The following SFSWAP variants were observed in gnomAD, a reference collection of about 807,000 sequenced individuals.
SFSWAP encodes splicing factor SWAP, also known as splicing factor, suppressor of white-apricot homolog.
In SFSWAP, 17 loss-of-function variants were observed where a neutral mutation model predicts 100.7. The ratio of observed to expected loss-of-function variants is 0.17; its 90% CI spans 0.12 to 0.25. The LOEUF (loss-of-function observed/expected upper bound fraction) is 0.25. SFSWAP is among the 10% of genes least tolerant of loss of function. The probability of loss-of-function intolerance (pLI) is 1.00; values close to 1 mark genes in which losing one functional copy is unlikely to be tolerated. For missense variants in SFSWAP, 1,005 were observed against 1,262.6 expected (o/e 0.80, Z 3.09); for synonymous variants, 504 against 510.1 (o/e 0.99, Z 0.16).
intron 5 of SFSWAP, among the ~76,000 whole-genome samples, chr12:131,726,303 G>A (rs1272570210): frequency 5.9e-5 from 9 of 152,040 alleles, no homozygotes; most frequent in Non-Finnish European, 1.2e-4. Flanking sequence ...TCCGCCTCCC[G>A]GGTTCAAGCA....
rs144832738 is a variant in SFSWAP at position 131,733,181 on chromosome 12, C to T, written c.1081+4753C>T. ...ACTTGAAACGTCAGCTGTATGAGAGCGGGCGGGGGATGGCGCGGTCTCCCT... is the reference window on the plus strand; with the variant it reads ...ACTTGAAACGTCAGCTGTATGAGAGTGGGCGGGGGATGGCGCGGTCTCCCT... On this transcript the variant is annotated intron_variant, in intron 7 of 17. Transcript: ENST00000261674. The surrounding 1 kb of genome is among the most constrained non-coding windows in gnomAD (Gnocchi z 5.1). 2.8e-3 allele frequency among the ~76,000 whole-genome samples: 424 copies of T among 152,274 alleles called. No homozygotes were observed. Among genetic ancestry groups the T allele is most frequent in the Non-Finnish European group, 4.3e-3 (292 of 68,024 alleles).
intron 16 of SFSWAP, 21 bp downstream of exon 16, chr12:131,797,381 G>A (rs1327865656): frequency 4.4e-6 from 7 of 1,589,922 alleles, no homozygotes; most frequent in East Asian, 4.5e-5. Flanking sequence ...TCCTCCAGCA[G>A]CTCTCTCTGG....
chr12:131,782,230 G>A (rs569424378), intron 14 of SFSWAP, among the ~76,000 whole-genome samples: 72 of 152,354 alleles, frequency 4.7e-4, no homozygotes, highest in Non-Finnish European at 8.4e-4. Context: ...GGAACAGTGA[G>A]TGCGTGTTTT....
chr12:131,797,626 A>G (rs1885779081), intron 16 of SFSWAP, among the ~76,000 whole-genome samples: 1 of 152,236 alleles, frequency 6.6e-6, no homozygotes. Flanking sequence ...GAAGCAGCCC[A>G]AGTGTCACAC....
chr12:131,779,282 C>T (rs1274595743), intron 14 of SFSWAP, among the ~76,000 whole-genome samples: 3 of 151,092 alleles, frequency 2.0e-5, no homozygotes, highest in Non-Finnish European at 3.0e-5. Flanking sequence ...AAGAGGGCGG[C>T]GCGGGTGGGT....
In SFSWAP at chr12:131,727,022, G is replaced by C. The variant is rs1158046533; in HGVS notation, c.915G>C (p.Lys305Asn). ...TTCATCCCTCTCTCTTTGCCTCCAA[G>C]AAGTGTAACCGCCTTGAAGAGCTGA... ...NYLHPSLFASKKCNRLEELMK... is the reference protein window; with the variant it reads ...NYLHPSLFASNKCNRLEELMK... The change falls in exon 6 of 18, where the codon AAG becomes AAC. Residue 305 changes from lysine to asparagine, a missense_variant. Physicochemically the swap from Lys to Asn is moderately conservative, Grantham distance 94. Coordinates refer to ENST00000261674, the MANE Select transcript of SFSWAP (RefSeq NM_004592.4). 1 of 1,602,920 alleles carries C rather than the reference G, an allele frequency of 6.2e-7. No homozygotes were observed. Among genetic ancestry groups the C allele is most frequent in the Admixed American group, 1.7e-5 (1 of 58,784 alleles).
At position 131,728,329 on chromosome 12, in the gene SFSWAP, G is replaced by A; in HGVS notation, c.982G>A (p.Ala328Thr). The A allele has an allele frequency of 6.2e-7, 1 of 1,614,208 alleles. No individual in the cohort carries two copies. Among genetic ancestry groups the A allele is most frequent in the Non-Finnish European group, 8.5e-7 (1 of 1,180,020 alleles). ...AGTGGACCCAGATCATCCCCTCGCA[G>A]CACTTGTTCGTAAGGCACAGGCTGA... is the stretch of plus-strand genomic sequence containing the variant. ...KVVDPDHPLA[A>T]LVRKAQADSS... The change falls in exon 7 of 18, where the codon GCA becomes ACA. Residue 328 changes from alanine (A) to threonine (T), a missense_variant. Transcript: ENST00000261674.
At chr12:131,776,826 TTGAAG>T (rs1884062232) in intron 13 of SFSWAP, among the ~76,000 whole-genome samples, 1 of 152,230 alleles carries the variant, frequency 6.6e-6, no homozygotes, top group African/African-American at 2.4e-5. Context: ...TAAAATTCAC[TTGAAG>T]TGAGGAGAGA....
rs771125345 is a variant in SFSWAP, at chr12:131,799,537, A to G, written c.*49A>G. The stretch of plus-strand genomic sequence containing the variant: ...CGGGAGGCTGCGTGGGCTTCTGGGC[A>G]GGCTCACGCAGACGCCGGCCACACC... On this transcript the variant is annotated 3_prime_UTR_variant, in exon 18 of 18. Transcript: ENST00000261674. 3.2e-6 allele frequency: 5 copies of G among 1,543,098 alleles called. No homozygotes were observed. The Admixed American group carries it at 7.0e-5, about 22-fold the overall frequency.
intron 3 of SFSWAP, among the ~76,000 whole-genome samples, chr12:131,717,422 C>T (rs951706132): frequency 6.6e-6 from 1 of 151,984 alleles, no homozygotes; most frequent in African/African-American, 2.4e-5. Flanking sequence ...AATAATGGGG[C>T]GGGGACAGGC....
Position 131,725,482 on chromosome 12 carries a change from C to T in SFSWAP, c.684C>T (p.Ile228=). The change falls in exon 5 of 18, where the codon ATC becomes ATT. Residue 228 remains isoleucine, a synonymous_variant. Coordinates refer to ENST00000261674, the MANE Select transcript of SFSWAP (RefSeq NM_004592.4). This position sits in a 1 kb window ranked among gnomAD's most constrained non-coding sequence, Gnocchi z 4.3. ...GCAGGCAGGGAGCACAGTTTGAGAT[C>T]ATGCTGAAGGCCAAGCAGGCCCGGA... The part of the protein sequence containing the change: ...FVCRQGAQFE[I]MLKAKQARNS... The T allele has an allele frequency of 6.2e-6, 10 of 1,614,176 alleles. No homozygotes were observed. Among genetic ancestry groups the T allele is most frequent in the Non-Finnish European group, 8.5e-6 (10 of 1,180,036 alleles).
At chr12:131,721,270 A>C (rs1878452855) in intron 4 of SFSWAP, among the ~76,000 whole-genome samples, 1 of 152,188 alleles carries the variant, frequency 6.6e-6, no homozygotes, top group South Asian at 2.1e-4. Context: ...GGCTGGGGAC[A>C]CAGATCCAAA....
At chr12:131,762,876 G>A (rs1882793343) in intron 11 of SFSWAP, among the ~76,000 whole-genome samples, 1 of 152,192 alleles carries the variant, frequency 6.6e-6, no homozygotes, top group South Asian at 2.1e-4. Flanking sequence ...TGGGATTACA[G>A]GCGTAAGCCA....
At position 131,714,944 on chromosome 12, in the gene SFSWAP, A is replaced by C; in HGVS notation, c.511A>C (p.Lys171Gln). The change falls in exon 3 of 18, where the codon AAA becomes CAA. Residue 171 changes from lysine (K) to glutamine (Q), a missense_variant. This residue lies in a region of SFSWAP where 237 missense variants were observed against 337.0 expected (regional missense o/e 0.70). Transcript: ENST00000261674. The surrounding 1 kb of genome is among the most constrained non-coding windows in gnomAD (Gnocchi z 6.0). The stretch of plus-strand genomic sequence containing the variant: ...GCCGACGGAGGAGGAGGAGCCTTCC[A>C]AACAGAGAGGTGAGTGGGGAGCTGC... ...SEPTEEEEPS[K>Q]QREKNEAENL... 1 of 1,613,980 alleles carries C rather than the reference A, an allele frequency of 6.2e-7. No homozygotes were observed. Among genetic ancestry groups the C allele is most frequent in the Non-Finnish European group, 8.5e-7 (1 of 1,179,998 alleles).
In SFSWAP at chr12:131,730,029, A is replaced by G. The variant is rs11246780; in HGVS notation, c.1081+1601A>G. On this transcript the variant is annotated intron_variant, in intron 7 of 17. Transcript: ENST00000261674. This position sits in a 1 kb window ranked among gnomAD's most constrained non-coding sequence, Gnocchi z 4.0. ...TCTTTAAATGATTAAATCAAGTCATATCAAATTTCACTGAATGTTCAAATC... is the reference window on the plus strand; with the variant it reads ...TCTTTAAATGATTAAATCAAGTCATGTCAAATTTCACTGAATGTTCAAATC... Among the ~76,000 whole-genome samples, 8,686 of 152,318 alleles carry G rather than the reference A, an allele frequency of 0.057. 513 individuals are homozygous for G. The highest frequency in any genetic ancestry group is 0.28 in the East Asian group (1,439 of 5,184).
chr12:131,738,812 C>G (rs1053798283), intron 7 of SFSWAP, among the ~76,000 whole-genome samples: 1 of 149,866 alleles, frequency 6.7e-6, no homozygotes, highest in African/African-American at 2.4e-5. Context: ...AAACAGCCCT[C>G]CATTAATTGA....
intron 15 of SFSWAP, among the ~76,000 whole-genome samples, chr12:131,787,390 C>T (rs1340074890): frequency 6.6e-6 from 1 of 152,170 alleles, no homozygotes; most frequent in Admixed American, 6.5e-5. Flanking sequence ...ATCTCACGAG[C>T]GCCTCCTCTG....
Position 131,719,663 on chromosome 12 carries a change from G to T in SFSWAP, c.606+124G>T, listed in dbSNP as rs535293191. The T allele has an allele frequency of 4.8e-4, 356 of 739,132 alleles. 1 individual carries two copies. The highest frequency in any genetic ancestry group is 2.1e-3 in the Middle Eastern group (9 of 4,216). The allele number at this position is 739,132 out of a possible 1,614,324, so 45.8% of individuals were successfully genotyped here. On this transcript the variant is annotated intron_variant, in intron 4 of 17. Coordinates refer to ENST00000261674, the MANE Select transcript of SFSWAP (RefSeq NM_004592.4). ...GGCATATAATGCTTTAAAATGGTTT[G>T]TGAGTTAATGGAGAAAAAGATCACA...
intron 13 of SFSWAP, among the ~76,000 whole-genome samples, chr12:131,771,092 A>G (rs1405782909): frequency 1.3e-5 from 2 of 152,210 alleles, no homozygotes; most frequent in Non-Finnish European, 2.9e-5. Flanking sequence ...TGGGAGGCCA[A>G]GTGAATCCTT....
Sources: allele counts gnomAD v4.1 joint callset (sites outside exome capture counted in the v4.1 genomes callset), GRCh38; gene constraint gnomAD v4.1.1; regional missense constraint gnomAD v4.1.1; non-coding constraint Gnocchi (gnomAD v3.1); transcripts MANE v1.5; gene names NCBI Gene and HGNC (gene_info 2026-07-23, HGNC 2026-07-21).